CECR2: variants seen among roughly 807,000 people sequenced by gnomAD.
CECR2 encodes the protein chromatin remodeling regulator CECR2.
CECR2 carries 30 observed loss-of-function variants against 154.5 expected under a neutral mutation model. The ratio of observed to expected loss-of-function variants is 0.19; its 90% confidence interval spans 0.15 to 0.26. The LOEUF is 0.26. Among genes scored for constraint, CECR2 ranks in the 10% least tolerant of loss-of-function variants. CECR2 has a pLI of 1.00. For missense variants in CECR2, 1,743 were observed against 1,829.3 expected, an observed-to-expected ratio of 0.95 and a Z score of 0.86; for synonymous variants, 725 against 683.7, an observed-to-expected ratio of 1.06 and a Z score of -0.94.
intron 1 of CECR2, among the ~76,000 whole-genome samples, chr22:17,389,557 T>G (rs1156620649): frequency 6.6e-6 from 1 of 152,104 alleles, no homozygotes; most frequent in Non-Finnish European, 1.5e-5. Flanking sequence ...GCAATCCTTC[T>G]GACTCAGCCT....
chr22:17,421,577 T>G lies in CECR2; in HGVS notation c.126+51668T>G, dbSNP rs571175436. 2.5e-5 allele frequency among the ~76,000 whole-genome samples: 3 copies of G among 120,486 alleles called. No individual in the cohort carries two copies. In the Admixed American group the frequency reaches 3.5e-4, roughly 14 times the overall value. 79.0% of individuals were successfully genotyped at this position (120,486 alleles called of 152,430 possible). A position where few individuals can be genotyped will look rare whatever the true frequency, so the allele number is the denominator to read the frequency against. ...TTGCAGTGAGCCGAGATCCCGCCAC[T>G]GCACTCCAGCCTGGGCGACAGAGCG... On this transcript the variant is annotated intron_variant, in intron 1 of 18. Coordinates refer to ENST00000262608, the MANE Select transcript of CECR2 (RefSeq NM_001290047.2).
intron 8 of CECR2, among the ~76,000 whole-genome samples, chr22:17,517,559 A>G (rs924146421): frequency 6.6e-6 from 1 of 152,250 alleles, no homozygotes. Flanking sequence ...ACAAATAACT[A>G]TATAGACCAA....
intron 1 of CECR2, among the ~76,000 whole-genome samples, chr22:17,380,429 C>T (rs1031291492): frequency 2.0e-4 from 31 of 152,230 alleles, no homozygotes; most frequent in African/African-American, 7.5e-4. Flanking sequence ...TAAATGATGT[C>T]ATATGCGTAT....
At chr22:17,530,694 A>C (rs1023783466) in intron 9 of CECR2, among the ~76,000 whole-genome samples, 1 of 151,764 alleles carries the variant, frequency 6.6e-6, no homozygotes, top group Non-Finnish European at 1.5e-5. Flanking sequence ...AAAGAAAAAA[A>C]AAAACAACAG....
intron 6 of CECR2, among the ~76,000 whole-genome samples, chr22:17,503,771 T>C (rs1181184590): frequency 6.6e-6 from 1 of 152,064 alleles, no homozygotes; most frequent in African/African-American, 2.4e-5. Context: ...AAAGAGGCCA[T>C]TGTGGCGGCT....
chr22:17,486,361 G>T (rs1183197154), intron 2 of CECR2, among the ~76,000 whole-genome samples: 1 of 152,242 alleles, frequency 6.6e-6, no homozygotes, highest in Non-Finnish European at 1.5e-5. Context: ...GTGGTATAAA[G>T]TGGTATTTTC....
rs1648237500 is a variant in CECR2, at chr22:17,556,963, TCA to T, written c.*4126_*4127del. 1 of 88,116 alleles carries T rather than the reference TCA, an allele frequency of 1.1e-5. No homozygotes were observed. The highest frequency in any genetic ancestry group is 2.4e-5 in the Non-Finnish European group (1 of 42,076). 5.5% of individuals were successfully genotyped at this position (88,116 alleles called of 1,614,324 possible). On this transcript the variant is annotated 3_prime_UTR_variant, in exon 19 of 19. Coordinates refer to ENST00000262608, the MANE Select transcript of CECR2 (RefSeq NM_001290047.2). ...AATGCAGAGGCTTTTATTCGTGGACTCACATCACTGCATAGCACAAAGAATGT... is the reference window on the plus strand; with the variant it reads ...AATGCAGAGGCTTTTATTCGTGGACTCATCACTGCATAGCACAAAGAATGT...
At chr22:17,447,239 G>A (rs959167274) in intron 1 of CECR2, among the ~76,000 whole-genome samples, 4 of 151,632 alleles carry the variant, frequency 2.6e-5, no homozygotes, top group Non-Finnish European at 4.4e-5. Context: ...TGCAAGCTCC[G>A]CCTCCTGGGT....
At chr22:17,394,192 C>CT (rs2053773244) in intron 1 of CECR2, among the ~76,000 whole-genome samples, 1 of 125,642 alleles carries the variant, frequency 8.0e-6, no homozygotes. Flanking sequence ...CAGCTGCTGC[C>CT]GCTGCTTTTT....
At chr22:17,405,446 T>TAA (rs2053967141) in intron 1 of CECR2, among the ~76,000 whole-genome samples, 2 of 136,586 alleles carry the variant, frequency 1.5e-5, no homozygotes, top group African/African-American at 2.7e-5. Flanking sequence ...TAAAATAAGA[T>TAA]AAAATAAAAA....
At chr22:17,536,412 G>T (rs1257459723) in intron 9 of CECR2, among the ~76,000 whole-genome samples, 1 of 152,178 alleles carries the variant, frequency 6.6e-6, no homozygotes, top group African/African-American at 2.4e-5. Context: ...ATCAGGCTGG[G>T]AATGGAATGC....
chr22:17,369,995 G>A (rs1475741522), intron 1 of CECR2, 86 bp downstream of exon 1: 1 of 151,368 alleles, frequency 6.6e-6, no homozygotes, highest in African/African-American at 2.4e-5. Flanking sequence ...GTCGCGCAGA[G>A]GGGCCGGGGC....
At chr22:17,519,253 T>C (rs891529054) in intron 8 of CECR2, among the ~76,000 whole-genome samples, 2 of 151,544 alleles carry the variant, frequency 1.3e-5, no homozygotes, top group African/African-American at 4.8e-5. Flanking sequence ...CTCCTCCACC[T>C]CACACCAAGC....
chr22:17,481,102 G>C (rs1358330512), intron 2 of CECR2, among the ~76,000 whole-genome samples: 1 of 148,490 alleles, frequency 6.7e-6, no homozygotes, highest in East Asian at 2.0e-4. Context: ...CCAGCACTTT[G>C]GGAGGTGGAG....
chr22:17,460,285 C>T (rs547494632), intron 1 of CECR2, among the ~76,000 whole-genome samples: 44 of 152,304 alleles, frequency 2.9e-4, no homozygotes, highest in African/African-American at 1.0e-3. Context: ...TCTTGGTTCA[C>T]TACAACCTCT....
intron 8 of CECR2, among the ~76,000 whole-genome samples, chr22:17,512,224 A>G (rs963907511): frequency 6.6e-6 from 1 of 151,926 alleles, no homozygotes; most frequent in East Asian, 1.9e-4. Flanking sequence ...GGAGAATTTG[A>G]GTAGGCAGAG....
At chr22:17,457,367 C>G (rs186854043) in intron 1 of CECR2, among the ~76,000 whole-genome samples, 1 of 152,352 alleles carries the variant, frequency 6.6e-6, no homozygotes, top group Admixed American at 6.5e-5. Context: ...CTAGGCCTTT[C>G]TGAACTAATA....
chr22:17,430,413 C>T (rs2054403568), intron 1 of CECR2, among the ~76,000 whole-genome samples: 1 of 152,166 alleles, frequency 6.6e-6, no homozygotes, highest in South Asian at 2.1e-4. Flanking sequence ...TATTCTACCC[C>T]CTAATTCTTC....
intron 1 of CECR2, among the ~76,000 whole-genome samples, chr22:17,444,731 ATCCTGAAAGAACTAG>A (rs2054633736): frequency 6.6e-6 from 1 of 152,214 alleles, no homozygotes; most frequent in African/African-American, 2.4e-5. Context: ...CCTAGAACTA[ATCCTGAAAGAACTAG>A]TCAGGGCAAG....
Sources: allele counts gnomAD v4.1 joint callset (sites outside exome capture counted in the v4.1 genomes callset), GRCh38; gene constraint gnomAD v4.1.1; transcripts MANE v1.5; gene names NCBI Gene and HGNC (gene_info 2026-07-23, HGNC 2026-07-21).